The following HHAT variants were observed in gnomAD, a reference collection of about 807,000 sequenced individuals.
HHAT encodes protein-cysteine N-palmitoyltransferase HHAT.
HHAT carries 47 observed loss-of-function variants against 70.8 expected under a neutral mutation model. That is an observed-to-expected ratio of 0.66 (90% CI 0.53 to 0.85). The LOEUF is 0.85. Among genes scored for constraint, HHAT ranks in the 40% least tolerant of loss-of-function variants. The probability of loss-of-function intolerance (pLI) is 0.00; values close to 1 mark genes in which losing one functional copy is unlikely to be tolerated. For missense variants in HHAT, 609 were observed against 604.8 expected (o/e 1.01, Z -0.07); for synonymous variants, 228 against 247.6 (o/e 0.92, Z 0.74).
At chr1:210,585,820 TAGG>T (rs1573524360) in intron 9 of HHAT, among the ~76,000 whole-genome samples, 1 of 151,946 alleles carries the variant, frequency 6.6e-6, no homozygotes, top group African/African-American at 2.4e-5. Flanking sequence ...CATTGGGAAA[TAGG>T]AGGATTCTGG....
intron 9 of HHAT, among the ~76,000 whole-genome samples, chr1:210,562,577 T>G (rs893985479): frequency 6.6e-6 from 1 of 152,172 alleles, no homozygotes; most frequent in Non-Finnish European, 1.5e-5. Context: ...GCTTGCTGTA[T>G]GCCAGGCATG....
chr1:210,504,195 T>C (rs894472252), intron 8 of HHAT, among the ~76,000 whole-genome samples: 2 of 152,244 alleles, frequency 1.3e-5, no homozygotes, highest in Non-Finnish European at 2.9e-5. Flanking sequence ...CCTAAGCATC[T>C]CTTGTAGCTC....
At chr1:210,396,710 A>C (rs542805318) in intron 4 of HHAT, among the ~76,000 whole-genome samples, 6 of 152,352 alleles carry the variant, frequency 3.9e-5, no homozygotes, top group African/African-American at 1.4e-4. Context: ...CAGTAGGTTA[A>C]TGGCTAACAA....
intron 8 of HHAT, among the ~76,000 whole-genome samples, chr1:210,509,425 A>T (rs796467009): frequency 2.0e-5 from 3 of 152,292 alleles, no homozygotes; most frequent in African/African-American, 7.2e-5. Context: ...CCTACCATTT[A>T]TTCCTCAAAA....
At chr1:210,514,604 A>G (rs751088581) in intron 9 of HHAT, among the ~76,000 whole-genome samples, 4 of 152,184 alleles carry the variant, frequency 2.6e-5, no homozygotes, top group African/African-American at 4.8e-5. Flanking sequence ...GTCAGCGATC[A>G]TGTCTTAGTC....
At chr1:210,519,114 A>G (rs10779533) in intron 9 of HHAT, among the ~76,000 whole-genome samples, 145,372 of 152,244 alleles carry the variant, frequency 0.95, 69,670 homozygotes, top group Non-Finnish European at 1. Context: ...AACTCTTGGA[A>G]CAGGTGCTAT....
chr1:210,588,605 A>G (rs972692930), intron 10 of HHAT: 1 of 153,056 alleles, frequency 6.5e-6, no homozygotes, highest in African/African-American at 2.4e-5. Flanking sequence ...ATATTATTCT[A>G]AAGATTTTTT....
At chr1:210,578,706 G>A (rs769085733) in intron 9 of HHAT, among the ~76,000 whole-genome samples, 19 of 152,198 alleles carry the variant, frequency 1.2e-4, no homozygotes, top group Non-Finnish European at 2.4e-4. Flanking sequence ...TCTATTCAGT[G>A]AGATAAGCCT....
At chr1:210,415,200 T>G (rs1200886398) in intron 6 of HHAT, among the ~76,000 whole-genome samples, 2 of 152,220 alleles carry the variant, frequency 1.3e-5, no homozygotes, top group Admixed American at 1.3e-4. Context: ...ACCCTAGTGT[T>G]GGACATTTGG....
intron 3 of HHAT, chr1:210,374,113 A>G (rs1030455745): frequency 2.0e-5 from 3 of 146,896 alleles, no homozygotes; most frequent in African/African-American, 4.9e-5. Flanking sequence ...AAGTTGCACC[A>G]TAATGTTTTC....
Position 210,616,160 on chromosome 1 carries a change from G to T in HHAT, c.1246-7366G>T, listed in dbSNP as rs1040678654. Reference sequence around the variant, plus strand: ...ATGGCTTAATTAAGCAAATTAACATGCACTACCTCACTTATTTTCTGTGGT... The same window carrying T: ...ATGGCTTAATTAAGCAAATTAACATTCACTACCTCACTTATTTTCTGTGGT... On this transcript the variant is annotated intron_variant, in intron 10 of 11. Coordinates refer to ENST00000261458, the MANE Select transcript of HHAT (RefSeq NM_018194.6). Among the ~76,000 whole-genome samples the T allele has an allele frequency of 2.0e-5, 3 of 152,224 alleles. No homozygotes were observed. In the East Asian group the frequency reaches 5.8e-4, roughly 29 times the overall value.
chr1:210,356,661 G>A (rs1021976294), intron 2 of HHAT, among the ~76,000 whole-genome samples: 2 of 152,184 alleles, frequency 1.3e-5, no homozygotes, highest in Non-Finnish European at 2.9e-5. Flanking sequence ...ATGAAGAAAG[G>A]ATACAGAAGC....
intron 7 of HHAT, among the ~76,000 whole-genome samples, chr1:210,441,956 T>C (rs1234392513): frequency 1.3e-5 from 2 of 150,836 alleles, no homozygotes; most frequent in Non-Finnish European, 3.0e-5. Context: ...CCCACTAACT[T>C]GTCATCTAGC....
chr1:210,404,838 A>G (rs1242252643), intron 6 of HHAT, among the ~76,000 whole-genome samples, 159 bp downstream of exon 6: 1 of 152,176 alleles, frequency 6.6e-6, no homozygotes, highest in African/African-American at 2.4e-5. Flanking sequence ...TAGATGAAAT[A>G]CATATGAGAA....
intron 9 of HHAT, among the ~76,000 whole-genome samples, chr1:210,534,629 T>C (rs1174844979): frequency 6.6e-6 from 1 of 152,230 alleles, no homozygotes; most frequent in African/African-American, 2.4e-5. Flanking sequence ...ATGTATACCT[T>C]ATATACATAG....
At chr1:210,579,786 T>C (rs920859352) in intron 9 of HHAT, among the ~76,000 whole-genome samples, 3 of 152,182 alleles carry the variant, frequency 2.0e-5, no homozygotes, top group Non-Finnish European at 4.4e-5. Flanking sequence ...CAAATGTGCT[T>C]GGACTGAGCC....
intron 9 of HHAT, among the ~76,000 whole-genome samples, chr1:210,541,586 G>A (rs1030722818): frequency 3.9e-5 from 6 of 152,166 alleles, no homozygotes; most frequent in Admixed American, 2.0e-4. Context: ...AATTAGCTGG[G>A]TGTGGTGGCG....
At chr1:210,488,103 C>T (rs1303487455) in intron 8 of HHAT, among the ~76,000 whole-genome samples, 1 of 152,164 alleles carries the variant, frequency 6.6e-6, no homozygotes, top group Non-Finnish European at 1.5e-5. Context: ...ACCAAAGATC[C>T]TGAAGGGTGG....
Position 210,536,144 on chromosome 1 carries a change from T to C in HHAT, c.1043+22956T>C, listed in dbSNP as rs2095369772. Reference sequence around the variant, plus strand: ...ATTGGGGAAAATACGTTTAGAGCTTTAGTAAGTACCTCATCACTGAAGCCA... The same window carrying C: ...ATTGGGGAAAATACGTTTAGAGCTTCAGTAAGTACCTCATCACTGAAGCCA... On this transcript the variant is annotated intron_variant, in intron 9 of 11. Transcript: ENST00000261458. Among the ~76,000 whole-genome samples the C allele has an allele frequency of 2.6e-5, 4 of 152,232 alleles. 1 individual carries two copies. In the South Asian group the frequency reaches 8.3e-4, roughly 31 times the overall value.
Sources: gnomAD v4.1 joint callset for allele counts (sites outside exome capture counted in the v4.1 genomes callset) on GRCh38, gnomAD v4.1.1 for gene constraint, MANE v1.5 for transcripts, NCBI Gene and HGNC (gene_info 2026-07-23, HGNC 2026-07-21) for gene names.